PRRX1: variants seen among roughly 807,000 people sequenced by gnomAD.
The protein encoded by PRRX1 is paired mesoderm homeobox protein 1.
PRRX1 carries 8 observed loss-of-function variants against 24.0 expected under a neutral mutation model. The observed-to-expected ratio is 0.33, with a 90% CI of 0.20 to 0.60. The LOEUF is 0.60. Among genes scored for constraint, PRRX1 ranks in the 20% least tolerant of loss-of-function variants. The pLI is 0.82. For synonymous variants in PRRX1, 160 were observed against 131.7 expected (o/e 1.22, Z -1.47); for missense variants, 281 against 322.4 (o/e 0.87, Z 0.98).
intron 1 of PRRX1, among the ~76,000 whole-genome samples, chr1:170,679,341 ATG>A (rs1653426328): frequency 6.6e-6 from 1 of 152,246 alleles, no homozygotes; most frequent in Non-Finnish European, 1.5e-5. Flanking sequence ...AAGAAAAACA[ATG>A]TGAGGCAACC....
intron 1 of PRRX1, among the ~76,000 whole-genome samples, chr1:170,684,004 C>T (rs756006865): frequency 2.6e-5 from 4 of 152,180 alleles, no homozygotes; most frequent in Non-Finnish European, 5.9e-5. Flanking sequence ...AGCATCATGC[C>T]AAGCACTTTG....
intron 1 of PRRX1, among the ~76,000 whole-genome samples, chr1:170,676,777 CATTATTAT>C (rs1653333031): frequency 6.6e-6 from 1 of 152,094 alleles, no homozygotes; most frequent in Admixed American, 6.6e-5. Flanking sequence ...CCTCTAGATG[CATTATTAT>C]CTGGTGAAAT....
chr1:170,734,990 T>C (rs1655557320), intron 3 of PRRX1, among the ~76,000 whole-genome samples: 1 of 152,080 alleles, frequency 6.6e-6, no homozygotes, highest in African/African-American at 2.4e-5. Flanking sequence ...GAAGAGCACA[T>C]GTCATTCCAT....
rs1655619158 is a variant in PRRX1, at chr1:170,736,665, A to G, written c.*479A>G. On this transcript the variant is annotated 3_prime_UTR_variant, in exon 4 of 4. Transcript: ENST00000239461. ...CAGTTCTCTTTATAGAAGCTCTAGG[A>G]GCTTTCGAAAAGCCAAAGTCTTTCT... 3 of 196,502 alleles carry G rather than the reference A, an allele frequency of 1.5e-5. No individual in the cohort carries two copies. The highest frequency in any genetic ancestry group is 1.2e-4 in the Admixed American group (2 of 16,916). 12.2% of individuals were successfully genotyped at this position (196,502 alleles called of 1,614,324 possible).
chr1:170,692,168 T>C (rs1212465353), intron 1 of PRRX1, among the ~76,000 whole-genome samples: 1 of 152,106 alleles, frequency 6.6e-6, no homozygotes, highest in Admixed American at 6.6e-5. Flanking sequence ...AAAATTGAAG[T>C]TGGATCTATT....
chr1:170,717,477 G>A (rs544107325), intron 1 of PRRX1, among the ~76,000 whole-genome samples: 1 of 152,316 alleles, frequency 6.6e-6, no homozygotes, highest in South Asian at 2.1e-4. Context: ...ACCTAAGAAA[G>A]AATTTTCTTT....
chr1:170,687,512 C>T (rs1436237142), intron 1 of PRRX1, among the ~76,000 whole-genome samples: 1 of 152,168 alleles, frequency 6.6e-6, no homozygotes, highest in Non-Finnish European at 1.5e-5. Context: ...ATATAGCGCC[C>T]TTCTCCCGTC....
upstream of PRRX1, chr1:170,664,106 T>TCTCTCTCTCTCA: frequency 9.2e-7 from 1 of 1,085,774 alleles, no homozygotes; most frequent in Non-Finnish European, 1.3e-6. Context: ...TCTCTCTCTC[T>TCTCTCTCTCTCA]CCACTACCCC....
In PRRX1 at chr1:170,664,246, G is replaced by C; in HGVS notation, c.28G>C (p.Glu10Gln). The stretch of plus-strand genomic sequence containing the variant: ...GACCTCCAGCTACGGGCACGTTCTG[G>C]AGCGGCAACCGGCGCTGGGCGGCCG... MTSSYGHVL[E>Q]RQPALGGRLD... Residue 10 changes from glutamate to glutamine, a missense_variant, in exon 1 of 4, where the codon GAG (glutamate) becomes CAG (glutamine). Glu to Gln is a conservative substitution (Grantham distance 29, BLOSUM62 2). Transcript: ENST00000239461. 6.2e-7 allele frequency: 1 copy of C among 1,612,326 alleles called. No individual in the cohort carries two copies. Among genetic ancestry groups the C allele is most frequent in the Non-Finnish European group, 8.5e-7 (1 of 1,179,524 alleles).
chr1:170,710,785 T>G (rs756238766), intron 1 of PRRX1, among the ~76,000 whole-genome samples: 5 of 152,170 alleles, frequency 3.3e-5, no homozygotes, highest in Admixed American at 6.5e-5. Context: ...CATATGAGGA[T>G]ATAGTAAGAA....
At chr1:170,705,943 C>T (rs867860475) in intron 1 of PRRX1, among the ~76,000 whole-genome samples, 1 of 141,110 alleles carries the variant, frequency 7.1e-6, no homozygotes, top group African/African-American at 3.1e-5. Flanking sequence ...CATACACACA[C>T]ACACACACAC....
intron 1 of PRRX1, among the ~76,000 whole-genome samples, chr1:170,665,314 G>T (rs755787125): frequency 6.6e-6 from 1 of 152,072 alleles, no homozygotes; most frequent in African/African-American, 2.4e-5. Flanking sequence ...CATCCTCACC[G>T]ACCAACCTCG....
Position 170,704,008 on chromosome 1 carries a change from T to G in PRRX1, c.242-15718T>G, listed in dbSNP as rs72705061. 5.7e-3 allele frequency among the ~76,000 whole-genome samples: 862 copies of G among 152,270 alleles called. 3 individuals are homozygous for G. The highest frequency in any genetic ancestry group is 9.2e-3 in the Non-Finnish European group (624 of 68,016). ...GAAAAGCAAAGCAAAAATAAAAATTTTAATTAAAGGTAAAACTAATCAACT... is the reference window on the plus strand; with the variant it reads ...GAAAAGCAAAGCAAAAATAAAAATTGTAATTAAAGGTAAAACTAATCAACT... On this transcript the variant is annotated intron_variant, in intron 1 of 3. Coordinates refer to ENST00000239461, the MANE Select transcript of PRRX1 (RefSeq NM_022716.4).
At chr1:170,732,141 T>C (rs1043963243) in intron 3 of PRRX1, among the ~76,000 whole-genome samples, 7 of 152,146 alleles carry the variant, frequency 4.6e-5, no homozygotes, top group African/African-American at 9.7e-5. Context: ...AATCTCACCA[T>C]TTTACCCGAG....
At position 170,738,342 on chromosome 1, in the gene PRRX1, T is replaced by A; in HGVS notation, c.*2156T>A. 4.4e-6 allele frequency: 1 copy of A among 225,068 alleles called. No individual in the cohort carries two copies. Among genetic ancestry groups the A allele is most frequent in the Non-Finnish European group, 8.8e-6 (1 of 113,014 alleles). 13.9% of individuals were successfully genotyped at this position (225,068 alleles called of 1,614,324 possible). On this transcript the variant is annotated 3_prime_UTR_variant, in exon 4 of 4. Transcript: ENST00000239461. Reference sequence around the variant, plus strand: ...CCAATCTGAAATTGTATTTCAAATGTTGATTCTGTAGTTCTTTAAATAATA... The same window carrying A: ...CCAATCTGAAATTGTATTTCAAATGATGATTCTGTAGTTCTTTAAATAATA...
chr1:170,739,248 G>A lies in PRRX1; in HGVS notation c.*3062G>A, dbSNP rs1233039927. 5.1e-6 allele frequency: 1 copy of A among 195,254 alleles called. No homozygotes were observed. The highest frequency in any genetic ancestry group is 1.1e-5 in the Non-Finnish European group (1 of 93,692). 12.1% of individuals were successfully genotyped at this position (195,254 alleles called of 1,614,324 possible). A position where few individuals can be genotyped will look rare whatever the true frequency, so the allele number is the denominator to read the frequency against. Reference sequence around the variant, plus strand: ...GGCAGGTTAAATTAAACCAGAAGAGGTGACTTAATAAAAAAGGGAATGACA... The same window carrying A: ...GGCAGGTTAAATTAAACCAGAAGAGATGACTTAATAAAAAAGGGAATGACA... On this transcript the variant is annotated 3_prime_UTR_variant, in exon 4 of 4. Coordinates refer to ENST00000239461, the MANE Select transcript of PRRX1 (RefSeq NM_022716.4).
At chr1:170,723,654 T>C (rs1012483499) in intron 2 of PRRX1, among the ~76,000 whole-genome samples, 5 of 152,328 alleles carry the variant, frequency 3.3e-5, no homozygotes, top group Non-Finnish European at 5.9e-5. Context: ...ATTACAGTCA[T>C]ACAATGCTTA....
Position 170,739,148 on chromosome 1 carries a change from C to T in PRRX1, c.*2962C>T, listed in dbSNP as rs969988082. On this transcript the variant is annotated 3_prime_UTR_variant, in exon 4 of 4. Transcript: ENST00000239461. Reference sequence around the variant, plus strand: ...TTCCTCACCATCATGATACCAGATACAGGTGAATACATAGGAACTATCTGC... The same window carrying T: ...TTCCTCACCATCATGATACCAGATATAGGTGAATACATAGGAACTATCTGC... The T allele has an allele frequency of 4.7e-6, 1 of 210,686 alleles. No individual in the cohort carries two copies. Among genetic ancestry groups the T allele is most frequent in the Admixed American group, 5.9e-5 (1 of 16,984 alleles). 13.1% of individuals were successfully genotyped at this position (210,686 alleles called of 1,614,324 possible). A position where few individuals can be genotyped will look rare whatever the true frequency, so the allele number is the denominator to read the frequency against.
At chr1:170,712,069 G>A (rs1251040721) in intron 1 of PRRX1, among the ~76,000 whole-genome samples, 1 of 152,166 alleles carries the variant, frequency 6.6e-6, no homozygotes, top group Non-Finnish European at 1.5e-5. Flanking sequence ...TTCATAACCT[G>A]TCTTTAGCTC....
Sources: allele counts gnomAD v4.1 joint callset (sites outside exome capture counted in the v4.1 genomes callset), GRCh38; gene constraint gnomAD v4.1.1; transcripts MANE v1.5; gene names NCBI Gene and HGNC (gene_info 2026-07-23, HGNC 2026-07-21).